Variants in HCN2 observed in about 807,000 individuals in gnomAD.
HCN2 encodes the protein hyperpolarization activated cyclic nucleotide gated potassium and sodium channel 2, also known as potassium/sodium hyperpolarization-activated cyclic nucleotide-gated channel 2.
A neutral mutation model predicts 52.3 loss-of-function variants in HCN2; 20 were observed. The ratio of observed to expected loss-of-function variants is 0.38; its 90% CI spans 0.27 to 0.56. The LOEUF (loss-of-function observed/expected upper bound fraction) is 0.56, where lower values mean the gene tolerates loss of function less well. HCN2 is among the 20% of genes least tolerant of loss of function. HCN2 has a pLI of 0.71. For missense variants in HCN2, 981 were observed against 1,207.7 expected, an observed-to-expected ratio of 0.81 and a Z score of 2.78; for synonymous variants, 694 against 537.0, an observed-to-expected ratio of 1.29 and a Z score of -4.04.
rs1259054072 is a variant in HCN2 at position 592,003 on chromosome 19, TCCCCAGAGGGGCTGTGTCCGGC to T, written c.632+1430_632+1451del. On this transcript the variant is annotated intron_variant, in intron 1 of 7. Transcript: ENST00000251287. The surrounding 1 kb of genome is among the most constrained non-coding windows in gnomAD (Gnocchi z 4.8). The stretch of plus-strand genomic sequence containing the variant: ...GCCAGGGGTGGGAGGAGCCCCGAAA[TCCCCAGAGGGGCTGTGTCCGGC>T]CCCTCCCACCCTGCCTCTGTGCCCC... Among the ~76,000 whole-genome samples the T allele has an allele frequency of 6.6e-6, 1 of 151,972 alleles. No homozygotes were observed. Among genetic ancestry groups the T allele is most frequent in the Non-Finnish European group, 1.5e-5 (1 of 67,968 alleles).
intron 1 of HCN2, among the ~76,000 whole-genome samples, chr19:602,029 G>A (rs868844135): frequency 1.3e-5 from 2 of 150,274 alleles, no homozygotes; most frequent in South Asian, 2.1e-4. Flanking sequence ...CCACCCTCTC[G>A]GCCTCCCCTG....
intron 1 of HCN2, 44 bp from the exon 2 acceptor site, chr19:603,500 C>A: frequency 1.3e-6 from 2 of 1,505,144 alleles, no homozygotes; most frequent in South Asian, 1.2e-5. Flanking sequence ...CCGCAGGTGC[C>A]CCGGGGAGGC....
chr19:590,285 C>A lies in HCN2; in HGVS notation c.340C>A (p.Pro114Thr). 1 of 990,232 alleles carries A rather than the reference C, an allele frequency of 1.0e-6. No homozygotes were observed. The highest frequency in any genetic ancestry group is 1.2e-6 in the Non-Finnish European group (1 of 834,966). 61.3% of individuals were successfully genotyped at this position (990,232 alleles called of 1,614,324 possible). ...CGAGCCGCAGTGCAGCCCCGCGGGG[C>A]CCGAGGGCCCGGCGCGGGGGCCCAA... is the stretch of plus-strand genomic sequence containing the variant. Reference protein sequence around the residue: ...RGEPQCSPAGPEGPARGPKVS... With the variant: ...RGEPQCSPAGTEGPARGPKVS... Residue 114 changes from proline (P) to threonine (T), a missense_variant, in exon 1 of 8, where the codon CCC becomes ACC. Coordinates refer to ENST00000251287, the MANE Select transcript of HCN2 (RefSeq NM_001194.4). This position sits in a 1 kb window ranked among gnomAD's most constrained non-coding sequence, Gnocchi z 7.2.
chr19:606,082 A>G (rs1983417884), intron 3 of HCN2, among the ~76,000 whole-genome samples: 2 of 152,094 alleles, frequency 1.3e-5, no homozygotes, highest in South Asian at 2.1e-4. Flanking sequence ...ATTAACCCAC[A>G]TTAATTATTA....
intron 1 of HCN2, among the ~76,000 whole-genome samples, chr19:596,220 T>G (rs1302531813): frequency 2.0e-5 from 3 of 152,222 alleles, no homozygotes; most frequent in East Asian, 3.9e-4. Flanking sequence ...CTGTCTGGGT[T>G]CCCATCCCAC....
chr19:590,061 C>T lies in HCN2; in HGVS notation c.116C>T (p.Pro39Leu). Residue 39 changes from proline (P) to leucine (L), a missense_variant, in exon 1 of 8, where the codon CCG becomes CTG. Pro to Leu is a moderately conservative substitution (Grantham distance 98). Transcript: ENST00000251287. The surrounding 1 kb of genome is among the most constrained non-coding windows in gnomAD (Gnocchi z 7.2). ...CCCCAACAGCAGCCGCCGCCGCCGC[C>T]GCCGCCCGCGCCCCCCCCGGGCCCC... ...APPQQQPPPP[P>L]PPAPPPGPGP... The T allele has an allele frequency of 1.6e-6, 1 of 642,012 alleles. No individual in the cohort carries two copies. 39.8% of individuals were successfully genotyped at this position (642,012 alleles called of 1,614,324 possible).
intron 1 of HCN2, among the ~76,000 whole-genome samples, chr19:598,264 C>T (rs775586605): frequency 6.6e-6 from 1 of 152,156 alleles, no homozygotes; most frequent in Non-Finnish European, 1.5e-5. Context: ...TTGATTTCAC[C>T]CTTCAAGCTT....
chr19:600,623 A>G (rs1020936147), intron 1 of HCN2, among the ~76,000 whole-genome samples: 8 of 150,692 alleles, frequency 5.3e-5, no homozygotes, highest in South Asian at 2.1e-4. Context: ...GGGATTACAG[A>G]CGTGAGCCAC....
chr19:610,323 A>G lies in HCN2; in HGVS notation c.1502A>G (p.His501Arg). 6.2e-7 allele frequency: 1 copy of G among 1,613,822 alleles called. No homozygotes were observed. The highest frequency in any genetic ancestry group is 8.5e-7 in the Non-Finnish European group (1 of 1,179,802). ...CCAGCTGACTTCCGCCAGAAGATCCACGACTACTATGAGCACCGTTACCAG... is the reference window on the plus strand; with the variant it reads ...CCAGCTGACTTCCGCCAGAAGATCCGCGACTACTATGAGCACCGTTACCAG... Reference protein sequence around the residue: ...KLPADFRQKIHDYYEHRYQGK... With the variant: ...KLPADFRQKIRDYYEHRYQGK... Residue 501 changes from histidine to arginine, a missense_variant, in exon 5 of 8, where the codon CAC becomes CGC. By Grantham distance (29) the His-to-Arg change is conservative. This residue lies in a region of HCN2 where 282 missense variants were observed against 553.8 expected (regional missense o/e 0.51). Coordinates refer to ENST00000251287, the MANE Select transcript of HCN2 (RefSeq NM_001194.4).
At chr19:607,494 G>C (rs902251786) in intron 3 of HCN2, among the ~76,000 whole-genome samples, 3 of 152,230 alleles carry the variant, frequency 2.0e-5, no homozygotes, top group Admixed American at 2.0e-4. Context: ...GCTGCCACCC[G>C]CACATGCGGT....
chr19:610,919 C>G (rs554044959), intron 5 of HCN2, among the ~76,000 whole-genome samples: 188 of 152,328 alleles, frequency 1.2e-3, no homozygotes, highest in African/African-American at 3.8e-3. Context: ...GTGCTACCCC[C>G]CCGGAGCCCC....
Position 615,954 on chromosome 19 carries a change from C to T in HCN2, c.2150C>T (p.Pro717Leu), listed in dbSNP as rs774991416. 257 of 1,575,070 alleles carry T rather than the reference C, an allele frequency of 1.6e-4. No individual in the cohort carries two copies. The highest frequency in any genetic ancestry group is 5.2e-4 in the Admixed American group (31 of 59,166). ...CAGCGCGTGGGCCTCTTCCCGCCGC[C>T]GCCGCCGCCGCCGCAGGTCACCTCG... ...LGQRVGLFPPPPPPPQVTSAI... is the reference protein window; with the variant it reads ...LGQRVGLFPPLPPPPQVTSAI... Residue 717 changes from proline to leucine, a missense_variant, in exon 8 of 8, where the codon CCG becomes CTG. This residue lies in a region of HCN2 where 368 missense variants were observed against 314.8 expected (regional missense o/e 1.17). Coordinates refer to ENST00000251287, the MANE Select transcript of HCN2 (RefSeq NM_001194.4).
rs372446839 is a variant in HCN2 at position 603,479 on chromosome 19, C to T, written c.633-65C>T. On this transcript the variant is annotated intron_variant, in intron 1 of 7. Transcript: ENST00000251287. ...CCCTCGTCCCCCAAGGAAGAGTGCCCGGGGCTGGTCCCGCAGGTGCCCCGG... is the reference window on the plus strand; with the variant it reads ...CCCTCGTCCCCCAAGGAAGAGTGCCTGGGGCTGGTCCCGCAGGTGCCCCGG... 177 of 1,344,150 alleles carry T rather than the reference C, an allele frequency of 1.3e-4. No homozygotes were observed. The African/African-American group carries it at 1.9e-3, about 15-fold the overall frequency. 83.3% of individuals were successfully genotyped at this position (1,344,150 alleles called of 1,614,324 possible).
At position 603,841 on chromosome 19, in the gene HCN2, G is replaced by A; in HGVS notation, c.930G>A (p.Lys310=). The change falls in exon 2 of 8, where the codon AAG becomes AAA. Residue 310 remains lysine, a synonymous_variant. Coordinates refer to ENST00000251287, the MANE Select transcript of HCN2 (RefSeq NM_001194.4). ...PVDYIFLIVE[K]GIDSEVYKTA... ...ACTACATCTTCCTTATCGTGGAGAA[G>A]GGCATTGACTCCGAGGTCTACAAGA... The A allele has an allele frequency of 6.2e-7, 1 of 1,612,690 alleles. No homozygotes were observed. Among genetic ancestry groups the A allele is most frequent in the Non-Finnish European group, 8.5e-7 (1 of 1,179,876 alleles).
At position 590,816 on chromosome 19, in the gene HCN2, A is replaced by C; in HGVS notation, c.632+239A>C. ...GCGCCCCCCTCCCACGCACCCCGAC[A>C]TCCTCCGCCCTGCGGCGCGGCGGGT... On this transcript the variant is annotated intron_variant, in intron 1 of 7. Transcript: ENST00000251287. This position sits in a 1 kb window ranked among gnomAD's most constrained non-coding sequence, Gnocchi z 7.2. 7.3e-6 allele frequency: 2 copies of C among 273,348 alleles called. No homozygotes were observed. Among genetic ancestry groups the C allele is most frequent in the Non-Finnish European group, 1.4e-5 (2 of 146,396 alleles). 16.9% of individuals were successfully genotyped at this position (273,348 alleles called of 1,614,324 possible).
At chr19:608,352 G>T (rs933062025) in intron 4 of HCN2, among the ~76,000 whole-genome samples, 170 bp downstream of exon 4, 1 of 135,780 alleles carries the variant, frequency 7.4e-6, no homozygotes. Flanking sequence ...GGCGGAGGTA[G>T]TCCTTGTCCC....
At chr19:604,353 G>C (rs1983327461) in intron 2 of HCN2, among the ~76,000 whole-genome samples, 1 of 150,744 alleles carries the variant, frequency 6.6e-6, no homozygotes, top group Non-Finnish European at 1.5e-5. Context: ...TGAGGGTGCA[G>C]GGGTGGAGCT....
Position 616,929 on chromosome 19 carries a change from C to A in HCN2, c.*455C>A. 2.7e-6 allele frequency: 1 copy of A among 369,392 alleles called. No homozygotes were observed. Among genetic ancestry groups the A allele is most frequent in the African/African-American group, 2.2e-5 (1 of 46,422 alleles). 22.9% of individuals were successfully genotyped at this position (369,392 alleles called of 1,614,324 possible). A position where few individuals can be genotyped will look rare whatever the true frequency, so the allele number is the denominator to read the frequency against. On this transcript the variant is annotated 3_prime_UTR_variant, in exon 8 of 8. Transcript: ENST00000251287. ...GCGCTCACGCAATAACCGGCCCGGC[C>A]CCCGTCCGCGCGCGTCCCCCGGTGA...
At position 617,117 on chromosome 19, in the gene HCN2, C is replaced by G. The variant is rs527372065; in HGVS notation, c.*643C>G. 10 of 678,004 alleles carry G rather than the reference C, an allele frequency of 1.5e-5. No individual in the cohort carries two copies. The Admixed American group carries it at 1.5e-4, about 10-fold the overall frequency. The allele number at this position is 678,004 out of a possible 1,614,324, so 42.0% of individuals were successfully genotyped here. A position where few individuals can be genotyped will look rare whatever the true frequency, so the allele number is the denominator to read the frequency against. On this transcript the variant is annotated 3_prime_UTR_variant, in exon 8 of 8. Transcript: ENST00000251287. ...GTGGCCCCCCACGCCCCATTAACCC[C>G]CACACCCCCATTCCGCGCAATAAAC...
Sources: gnomAD v4.1 joint callset for allele counts (sites outside exome capture counted in the v4.1 genomes callset) on GRCh38, gnomAD v4.1.1 for gene constraint, gnomAD v4.1.1 regional missense constraint, Gnocchi (gnomAD v3.1) non-coding constraint, MANE v1.5 for transcripts, NCBI Gene and HGNC (gene_info 2026-07-23, HGNC 2026-07-21) for gene names.